The following DENND6A variants were observed in gnomAD, a reference collection of about 807,000 sequenced individuals.
DENND6A encodes protein DENND6A.
In DENND6A, 43 loss-of-function variants were observed where a neutral mutation model predicts 95.5. The ratio of observed to expected loss-of-function variants is 0.45; its 90% CI spans 0.35 to 0.58. The LOEUF is 0.58. Ranked by LOEUF, DENND6A falls within the 20% of genes least tolerant of loss-of-function variation. The probability of loss-of-function intolerance (pLI) is 0.00; values close to 1 mark genes in which losing one functional copy is unlikely to be tolerated. For synonymous variants in DENND6A, 257 were observed against 260.4 expected, an observed-to-expected ratio of 0.99 and a Z score of 0.13; for missense variants, 574 against 736.0, an observed-to-expected ratio of 0.78 and a Z score of 2.55.
intron 12 of DENND6A, among the ~76,000 whole-genome samples, chr3:57,637,482 C>G (rs143061349): frequency 6.6e-6 from 1 of 152,240 alleles, no homozygotes; most frequent in African/African-American, 2.4e-5. Context: ...TGCCTTCCCT[C>G]TTGGTTCTAA....
intron 6 of DENND6A, 67 bp from the exon 7 acceptor site, chr3:57,660,906 T>G (rs1575845330): frequency 2.2e-6 from 3 of 1,385,308 alleles, no homozygotes; most frequent in South Asian, 2.9e-5. Context: ...AATGAGGCAT[T>G]AGAAATAAGA....
chr3:57,647,845 A>C (rs2071111639), intron 9 of DENND6A, among the ~76,000 whole-genome samples: 2 of 135,064 alleles, frequency 1.5e-5, no homozygotes, highest in East Asian at 2.6e-4. Flanking sequence ...ACAGGAGGGT[A>C]TCCATGGGGG....
intron 11 of DENND6A, among the ~76,000 whole-genome samples, chr3:57,643,616 T>A (rs568176447): frequency 6.6e-6 from 1 of 151,368 alleles, no homozygotes; most frequent in African/African-American, 2.4e-5. Flanking sequence ...TCACTTGAGG[T>A]CAGGAGTTCG....
Position 57,628,183 on chromosome 3 carries a change from A to G in DENND6A, c.*31T>C. On this transcript the variant is annotated 3_prime_UTR_variant, in exon 20 of 20. Transcript: ENST00000311128. ...ATGTCAGTATGCTTCATGATGCATA[A>G]TCCTTTTTGGCTGGAAAATCTTGGC... The G allele has an allele frequency of 6.2e-7, 1 of 1,605,318 alleles. No homozygotes were observed.
At position 57,692,934 on chromosome 3, in the gene DENND6A, C is replaced by A; in HGVS notation, c.85G>T (p.Ala29Ser). The A allele has an allele frequency of 6.4e-7, 1 of 1,556,726 alleles. No individual in the cohort carries two copies. Residue 29 changes from alanine (A) to serine (S), a missense_variant, in exon 1 of 20, where the codon GCG becomes TCG. Coordinates refer to ENST00000311128, the MANE Select transcript of DENND6A (RefSeq NM_152678.3). Reference sequence around the variant, plus strand: ...CCTCCCGCCGCCACAAGGGCCGGCGCCTCGCGGCCCTCGGCCCCTGCCACC... The same window carrying A: ...CCTCCCGCCGCCACAAGGGCCGGCGACTCGCGGCCCTCGGCCCCTGCCACC... ...EAVAGAEGRE[A>S]PALVAAGGAP...
At position 57,641,737 on chromosome 3, in the gene DENND6A, T is replaced by C; in HGVS notation, c.1048A>G (p.Ile350Val). The C allele has an allele frequency of 4.3e-6, 7 of 1,612,530 alleles. No homozygotes were observed. The highest frequency in any genetic ancestry group is 5.9e-6 in the Non-Finnish European group (7 of 1,179,338). The change falls in exon 12 of 20, where the codon ATA becomes GTA. Residue 350 changes from isoleucine to valine, a missense_variant. By Grantham distance (29) the Ile-to-Val change is conservative. Coordinates refer to ENST00000311128, the MANE Select transcript of DENND6A (RefSeq NM_152678.3). ...AAAAAAGGGTTGGTTACTCCTAATA[T>C]AACTGAGGGCCTATAAAAAACAAAA... ...TTRTQAPPSV[I>V]LGVTNPFFAK...
At chr3:57,688,978 T>C (rs756371321) in intron 1 of DENND6A, among the ~76,000 whole-genome samples, 1 of 152,192 alleles carries the variant, frequency 6.6e-6, no homozygotes, top group African/African-American at 2.4e-5. Flanking sequence ...TCTTTTTTTT[T>C]GAGACAAAGT....
intron 9 of DENND6A, among the ~76,000 whole-genome samples, chr3:57,650,257 C>G (rs1174858106): frequency 1.3e-5 from 2 of 151,300 alleles, no homozygotes; most frequent in East Asian, 3.9e-4. Flanking sequence ...ATTCATGCAA[C>G]CAAACACCAC....
intron 1 of DENND6A, among the ~76,000 whole-genome samples, chr3:57,676,488 C>T (rs2071712110): frequency 6.6e-6 from 1 of 150,740 alleles, no homozygotes; most frequent in African/African-American, 2.4e-5. Context: ...GCATGGCACA[C>T]ATGCCAGTGG....
chr3:57,673,213 CAAAAAAAAAAA>C (rs386396751), intron 1 of DENND6A, among the ~76,000 whole-genome samples: 3 of 70,714 alleles, frequency 4.2e-5, no homozygotes, highest in African/African-American at 7.0e-5. Context: ...CATTTCGTAT[CAAAAAAAAAAA>C]AAAAAAAAGA....
intron 11 of DENND6A, among the ~76,000 whole-genome samples, chr3:57,645,321 C>T (rs186855706): frequency 4.0e-5 from 6 of 151,870 alleles, no homozygotes; most frequent in Admixed American, 6.6e-5. Flanking sequence ...ATTAGCCGGG[C>T]GTGGTGGCGC....
Position 57,625,711 on chromosome 3 carries a change from C to T in DENND6A, c.*2503G>A, listed in dbSNP as rs2070513490. Reference sequence around the variant, plus strand: ...GTCACTCTTTCCCAGGTTCCCAGTGCAAATTTACATCATTTTTACAAGTAC... The same window carrying T: ...GTCACTCTTTCCCAGGTTCCCAGTGTAAATTTACATCATTTTTACAAGTAC... On this transcript the variant is annotated 3_prime_UTR_variant, in exon 20 of 20. Coordinates refer to ENST00000311128, the MANE Select transcript of DENND6A (RefSeq NM_152678.3). 6.6e-6 allele frequency: 1 copy of T among 151,928 alleles called. No homozygotes were observed. Among genetic ancestry groups the T allele is most frequent in the African/African-American group, 2.4e-5 (1 of 41,290 alleles). 9.4% of individuals were successfully genotyped at this position (151,928 alleles called of 1,614,324 possible). A position where few individuals can be genotyped will look rare whatever the true frequency, so the allele number is the denominator to read the frequency against.
Position 57,670,896 on chromosome 3 carries a change from A to G in DENND6A, c.319+1360T>C, listed in dbSNP as rs77443418. Among the ~76,000 whole-genome samples the G allele has an allele frequency of 7.9e-5, 12 of 152,348 alleles. No homozygotes were observed. The East Asian group carries it at 2.3e-3, about 29-fold the overall frequency. On this transcript the variant is annotated intron_variant, in intron 3 of 19. Transcript: ENST00000311128. Reference sequence around the variant, plus strand: ...GAGACCTGGAAATCTAACCCATCACAGTATATAAGAAGTGTATGTACAGAT... The same window carrying G: ...GAGACCTGGAAATCTAACCCATCACGGTATATAAGAAGTGTATGTACAGAT...
At chr3:57,663,151 C>CAAAA (rs754194795) in intron 5 of DENND6A, among the ~76,000 whole-genome samples, 5 of 40,102 alleles carry the variant, frequency 1.2e-4, no homozygotes, top group Non-Finnish European at 1.5e-4. Flanking sequence ...AACTCCATAT[C>CAAAA]AAAAAAAAAA....
intron 18 of DENND6A, 24 bp from the exon 19 acceptor site, chr3:57,628,909 C>A (rs538984565): frequency 3.1e-6 from 5 of 1,594,652 alleles, no homozygotes; most frequent in Non-Finnish European, 3.4e-6. Flanking sequence ...AGTCCCAAAT[C>A]AGTAAGTTCT....
intron 15 of DENND6A, among the ~76,000 whole-genome samples, chr3:57,631,716 C>CT (rs1156532234): frequency 0.026 from 2,352 of 91,894 alleles, 24 homozygotes; most frequent in African/African-American, 0.035. Context: ...TCTCTGCTCT[C>CT]TTTTTTTTTT....
At chr3:57,643,704 G>A (rs1174609246) in intron 11 of DENND6A, among the ~76,000 whole-genome samples, 1 of 151,776 alleles carries the variant, frequency 6.6e-6, no homozygotes, top group Non-Finnish European at 1.5e-5. Flanking sequence ...GTGCATGCCT[G>A]TAATCCCAGC....
Position 57,633,331 on chromosome 3 carries a change from A to G in DENND6A, c.1287T>C (p.Ser429=). The G allele has an allele frequency of 6.2e-7, 1 of 1,613,896 alleles. No individual in the cohort carries two copies. Among genetic ancestry groups the G allele is most frequent in the Non-Finnish European group, 8.5e-7 (1 of 1,179,930 alleles). The change falls in exon 15 of 20, where the codon TCT becomes TCC. Residue 429 remains serine, a synonymous_variant. Transcript: ENST00000311128. ...LQKGVQQKRP[S]EAQSVILRRY... ...GTCGAAGAATAACACTTTGAGCCTCAGAAGGACGTTTCTGTTGTACACCCT... is the reference window on the plus strand; with the variant it reads ...GTCGAAGAATAACACTTTGAGCCTCGGAAGGACGTTTCTGTTGTACACCCT...
Position 57,684,467 on chromosome 3 carries a change from A to G in DENND6A, c.237+8315T>C, listed in dbSNP as rs577127431. Among the ~76,000 whole-genome samples, 38 of 152,268 alleles carry G rather than the reference A, an allele frequency of 2.5e-4. 1 individual carries two copies. In the South Asian group the frequency reaches 7.7e-3, roughly 31 times the overall value. On this transcript the variant is annotated intron_variant, in intron 1 of 19. Transcript: ENST00000311128. ...GACAAAGCGAGACTCTGTTTCAAGA[A>G]AAGAGTCTAAAGCCAGGCATGGTGG...
Sources: gnomAD v4.1 joint callset for allele counts (sites outside exome capture counted in the v4.1 genomes callset) on GRCh38, gnomAD v4.1.1 for gene constraint, MANE v1.5 for transcripts, NCBI Gene and HGNC (gene_info 2026-07-23, HGNC 2026-07-21) for gene names.